The following SRFBP1 variants were observed in gnomAD, a reference collection of about 807,000 sequenced individuals.
The protein encoded by SRFBP1 is serum response factor binding protein 1.
A neutral mutation model predicts 45.5 loss-of-function variants in SRFBP1; 47 were observed. That is an observed-to-expected ratio of 1.03 (90% CI 0.82 to 1.32). SRFBP1 has a LOEUF of 1.32. SRFBP1 is among the 40% of genes most tolerant of loss of function. The pLI is 0.00. For synonymous variants in SRFBP1, 203 were observed against 166.3 expected (o/e 1.22, Z -1.70); for missense variants, 621 against 484.6 (o/e 1.28, Z -2.64).
At chr5:122,045,391 A>T (rs950648194) in intron 2 of SRFBP1, among the ~76,000 whole-genome samples, 1 of 152,140 alleles carries the variant, frequency 6.6e-6, no homozygotes, top group Non-Finnish European at 1.5e-5. Flanking sequence ...ATCCTGCCAA[A>T]AATGTCATTG....
Position 122,062,105 on chromosome 5 carries a change from T to C in SRFBP1, n.312-13210T>C, listed in dbSNP as rs868366215. 2.6e-5 allele frequency among the ~76,000 whole-genome samples: 4 copies of C among 151,964 alleles called. No individual in the cohort carries two copies. The East Asian group carries it at 5.8e-4, about 22-fold the overall frequency. On this transcript the variant is annotated intron_variant and non_coding_transcript_variant, in intron 2 of 2. Transcript: ENST00000504881. ...TACTGCAGGATTTCTCAGACACTTA[T>C]ATATGCTAAAAAGTATTGTGAATCT...
chr5:122,048,231 A>G (rs1355123043), intron 2 of SRFBP1, among the ~76,000 whole-genome samples: 2 of 152,098 alleles, frequency 1.3e-5, no homozygotes, highest in East Asian at 3.9e-4. Context: ...TCAATACCTA[A>G]TTTATTGAGA....
At chr5:122,029,908 C>T (rs1388805037), downstream of SRFBP1, among the ~76,000 whole-genome samples, 3 of 152,138 alleles carry the variant, frequency 2.0e-5, no homozygotes, top group African/African-American at 7.2e-5. Context: ...CAAGCTGTCT[C>T]CTATGTCCTT....
intron 4 of SRFBP1, among the ~76,000 whole-genome samples, chr5:121,998,746 GA>G (rs1185739338): frequency 3.3e-5 from 5 of 150,198 alleles, no homozygotes; most frequent in Non-Finnish European, 7.4e-5. Flanking sequence ...TTTACTCTTT[GA>G]AAGATGTTTT....
chr5:122,039,187 T>C (rs1292305439), intron 2 of SRFBP1, among the ~76,000 whole-genome samples: 1 of 152,164 alleles, frequency 6.6e-6, no homozygotes, highest in Non-Finnish European at 1.5e-5. Flanking sequence ...CTATTATAAA[T>C]TTGTCCTTAC....
chr5:121,995,605 C>T (rs1449245961), intron 4 of SRFBP1, among the ~76,000 whole-genome samples: 2 of 150,698 alleles, frequency 1.3e-5, no homozygotes, highest in African/African-American at 2.5e-5. Flanking sequence ...ATTAAAAGAA[C>T]TAGAAAAGCA....
chr5:122,075,479 C>T, exon 3 of SRFBP1: 2 of 1,613,464 alleles, frequency 1.2e-6, no homozygotes, highest in Non-Finnish European at 1.7e-6. Context: ...GTTTTTCACT[C>T]TTTGGGGAAA....
intron 2 of SRFBP1, among the ~76,000 whole-genome samples, chr5:122,040,664 A>T (rs1190298165): frequency 1.3e-5 from 2 of 152,190 alleles, no homozygotes; most frequent in African/African-American, 4.8e-5. Context: ...GAATTAGTTG[A>T]TATCGTAGGC....
At chr5:122,065,646 C>A (rs905171451) in intron 2 of SRFBP1, 1 of 152,024 alleles carries the variant, frequency 6.6e-6, no homozygotes, top group Non-Finnish European at 1.5e-5. Context: ...CTGAATAACC[C>A]AGGATGATGT....
chr5:122,043,794 C>T (rs904089043), intron 2 of SRFBP1, among the ~76,000 whole-genome samples: 1 of 152,026 alleles, frequency 6.6e-6, no homozygotes, highest in Non-Finnish European at 1.5e-5. Context: ...CTACTCAACT[C>T]TGGTATTGTA....
intron 1 of SRFBP1, among the ~76,000 whole-genome samples, chr5:121,970,633 A>G (rs1752169227): frequency 6.6e-6 from 1 of 152,002 alleles, no homozygotes; most frequent in Non-Finnish European, 1.5e-5. Context: ...CAAATTCCTA[A>G]GAGGTTAACT....
intron 1 of SRFBP1, among the ~76,000 whole-genome samples, chr5:121,963,476 A>G (rs2112807449): frequency 6.6e-6 from 1 of 152,262 alleles, no homozygotes; most frequent in East Asian, 1.9e-4. Flanking sequence ...CAAATTTTGT[A>G]ATGACTTTGA....
intron 4 of SRFBP1, among the ~76,000 whole-genome samples, chr5:122,002,121 A>G (rs1752885120): frequency 6.6e-6 from 1 of 152,222 alleles, no homozygotes; most frequent in Non-Finnish European, 1.5e-5. Flanking sequence ...TTTAATTTTT[A>G]ATATTCGCAA....
chr5:122,028,648 G>GATA (rs1452474948), downstream of SRFBP1: 3 of 151,882 alleles, frequency 2.0e-5, no homozygotes, highest in Non-Finnish European at 2.9e-5. Flanking sequence ...GGAATTCAAG[G>GATA]GATTATGCAG....
At chr5:122,038,137 G>A (rs79727109) in intron 2 of SRFBP1, among the ~76,000 whole-genome samples, 4,169 of 152,236 alleles carry the variant, frequency 0.027, 204 homozygotes, top group African/African-American at 0.095. Flanking sequence ...TTGGACTTAA[G>A]TGATCATCAA....
intron 4 of SRFBP1, among the ~76,000 whole-genome samples, chr5:122,000,777 C>T (rs1377030357): frequency 2.0e-5 from 3 of 152,102 alleles, no homozygotes; most frequent in African/African-American, 7.2e-5. Context: ...TTCTCTAACT[C>T]TCCAGATAGG....
chr5:122,025,912 C>T (rs1561596932), intron 7 of SRFBP1, among the ~76,000 whole-genome samples: 1 of 151,994 alleles, frequency 6.6e-6, no homozygotes, highest in African/African-American at 2.4e-5. Context: ...ATCAGCCTGA[C>T]CAATATGTCT....
At chr5:121,982,089 T>C (rs1480063564) in intron 3 of SRFBP1, among the ~76,000 whole-genome samples, 2 of 151,946 alleles carry the variant, frequency 1.3e-5, no homozygotes, top group African/African-American at 4.8e-5. Context: ...TCTTTTTGCT[T>C]ATTAAGTATC....
At chr5:121,995,221 G>A (rs1384013628) in intron 4 of SRFBP1, among the ~76,000 whole-genome samples, 2 of 151,446 alleles carry the variant, frequency 1.3e-5, no homozygotes, top group South Asian at 2.1e-4. Context: ...ATTTTTTTCA[G>A]CACCACACCA....
Sources: gnomAD v4.1 joint callset for allele counts (sites outside exome capture counted in the v4.1 genomes callset) on GRCh38, gnomAD v4.1.1 for gene constraint, MANE v1.5 for transcripts, NCBI Gene and HGNC (gene_info 2026-07-23, HGNC 2026-07-21) for gene names.